Variants in MAP7 observed in about 807,000 individuals in gnomAD.
MAP7 encodes ensconsin.
In MAP7, 52 loss-of-function variants were observed where a neutral mutation model predicts 94.8. The observed-to-expected ratio is 0.55, with a 90% CI of 0.44 to 0.69. MAP7 has a LOEUF of 0.69. Ranked by LOEUF, MAP7 falls within the 30% of genes least tolerant of loss-of-function variation. The pLI, the probability that MAP7 is intolerant of heterozygous loss-of-function variation, is 0.00. For synonymous variants in MAP7, 350 were observed against 357.0 expected (o/e 0.98, Z 0.22); for missense variants, 940 against 964.6 (o/e 0.97, Z 0.34).
chr6:136,490,038 T>TA (rs939786432), intron 1 of MAP7, among the ~76,000 whole-genome samples: 2 of 152,242 alleles, frequency 1.3e-5, no homozygotes, highest in East Asian at 3.9e-4. Flanking sequence ...TTGTAAAAAG[T>TA]AAAAAATCCT....
At chr6:136,481,483 G>A (rs1008039726) in intron 1 of MAP7, among the ~76,000 whole-genome samples, 1 of 152,194 alleles carries the variant, frequency 6.6e-6, no homozygotes, top group South Asian at 2.1e-4. Context: ...GATGGAAATG[G>A]AAGAAATTAA....
intron 8 of MAP7, among the ~76,000 whole-genome samples, chr6:136,369,535 T>A (rs1397614415): frequency 6.6e-6 from 1 of 151,574 alleles, no homozygotes; most frequent in Non-Finnish European, 1.5e-5. Flanking sequence ...ATTGTGCCAT[T>A]GTACTCCAGC....
At chr6:136,369,976 G>C (rs1795201968) in intron 8 of MAP7, among the ~76,000 whole-genome samples, 1 of 152,108 alleles carries the variant, frequency 6.6e-6, no homozygotes, top group Non-Finnish European at 1.5e-5. Context: ...GAAACAATCA[G>C]TAGAGTAAAA....
chr6:136,429,658 T>C (rs1047866867), intron 1 of MAP7, among the ~76,000 whole-genome samples: 6 of 152,224 alleles, frequency 3.9e-5, no homozygotes, highest in African/African-American at 1.4e-4. Flanking sequence ...CTCTTTCGTT[T>C]ACCACTAAAA....
At chr6:136,377,181 G>A (rs111555100) in intron 7 of MAP7, among the ~76,000 whole-genome samples, 2,155 of 152,250 alleles carry the variant, frequency 0.014, 64 homozygotes, top group African/African-American at 0.049. Context: ...ATCATAACTG[G>A]TACTAAGCAT....
At chr6:136,466,195 A>G (rs1246325273) in intron 1 of MAP7, among the ~76,000 whole-genome samples, 2 of 152,170 alleles carry the variant, frequency 1.3e-5, no homozygotes, top group African/African-American at 2.4e-5. Context: ...CAAAATAAAA[A>G]AATAAGTAGG....
chr6:136,497,518 T>A (rs2129002868), intron 1 of MAP7, among the ~76,000 whole-genome samples: 1 of 147,116 alleles, frequency 6.8e-6, no homozygotes, highest in East Asian at 2.0e-4. Context: ...GTCTATGTCA[T>A]CTTACTTAAA....
intron 1 of MAP7, among the ~76,000 whole-genome samples, chr6:136,482,806 T>C (rs1447757266): frequency 6.6e-6 from 1 of 152,138 alleles, no homozygotes; most frequent in Admixed American, 6.5e-5. Flanking sequence ...ATAGATCGAT[T>C]TGGCAGGCAA....
At chr6:136,440,499 T>C (rs1173759954) in intron 1 of MAP7, among the ~76,000 whole-genome samples, 1 of 152,180 alleles carries the variant, frequency 6.6e-6, no homozygotes, top group Non-Finnish European at 1.5e-5. Context: ...GAACAGGATA[T>C]GCATCAGCTT....
At chr6:136,510,600 C>A (rs190734000) in intron 1 of MAP7, among the ~76,000 whole-genome samples, 58 of 152,206 alleles carry the variant, frequency 3.8e-4, no homozygotes, top group African/African-American at 1.4e-3. Context: ...CCACCCTCAT[C>A]GCTGGTTTTG....
chr6:136,417,664 T>C (rs560788378), intron 2 of MAP7, among the ~76,000 whole-genome samples: 1 of 152,148 alleles, frequency 6.6e-6, no homozygotes, highest in East Asian at 1.9e-4. Flanking sequence ...GAAATAGATA[T>C]GACTAATGAA....
chr6:136,358,678 A>G lies in MAP7; in HGVS notation c.1912+1142T>C, dbSNP rs3799408. On this transcript the variant is annotated intron_variant, in intron 15 of 17. Coordinates refer to ENST00000354570, the MANE Select transcript of MAP7 (RefSeq NM_003980.6). ...TGGATTTGATCTTTGAGCAAAAGGT[A>G]TTCCAGCCTTTGCTTTTGTTTGTAA... Among the ~76,000 whole-genome samples, 1,369 of 152,354 alleles carry G rather than the reference A, an allele frequency of 9.0e-3. 61 individuals are homozygous for G. The East Asian group carries it at 0.14, about 15-fold the overall frequency.
Position 136,343,551 on chromosome 6 carries a change from C to G in MAP7, c.*677G>C, listed in dbSNP as rs1219770255. 6.6e-6 allele frequency: 1 copy of G among 152,512 alleles called. No homozygotes were observed. Among genetic ancestry groups the G allele is most frequent in the Non-Finnish European group, 1.5e-5 (1 of 68,016 alleles). The allele number at this position is 152,512 out of a possible 1,614,324, so 9.4% of individuals were successfully genotyped here. On this transcript the variant is annotated 3_prime_UTR_variant, in exon 18 of 18. Transcript: ENST00000354570. ...TTTATCTGGAAAAACTTTATAAATA[C>G]ATTATGTAAGAGGGCAGTAAATTAT...
intron 4 of MAP7, 166 bp from the exon 5 acceptor site, chr6:136,388,676 A>T: frequency 3.6e-6 from 2 of 554,386 alleles, no homozygotes; most frequent in Admixed American, 3.2e-5. Flanking sequence ...TCAATCTGGG[A>T]GGGTCACTTT....
At chr6:136,544,218 G>A (rs1469324119) in intron 1 of MAP7, among the ~76,000 whole-genome samples, 2 of 152,166 alleles carry the variant, frequency 1.3e-5, no homozygotes, top group African/African-American at 4.8e-5. Flanking sequence ...CACCGCACCT[G>A]GACTGTACGC....
intron 3 of MAP7, among the ~76,000 whole-genome samples, chr6:136,398,506 A>G (rs1258022289): frequency 1.3e-5 from 2 of 152,202 alleles, no homozygotes; most frequent in Admixed American, 1.3e-4. Flanking sequence ...GTACTCCCAT[A>G]ATTCCCACAT....
chr6:136,344,505 G>A (rs1235198800), intron 17 of MAP7, among the ~76,000 whole-genome samples: 2 of 152,048 alleles, frequency 1.3e-5, no homozygotes, highest in Non-Finnish European at 2.9e-5. Context: ...TACTTTTCTC[G>A]GTTAGGGGTT....
Position 136,502,809 on chromosome 6 carries a change from A to C in MAP7, c.67+47533T>G, listed in dbSNP as rs547218929. Among the ~76,000 whole-genome samples, 56 of 152,290 alleles carry C rather than the reference A, an allele frequency of 3.7e-4. 1 individual carries two copies. In the South Asian group the frequency reaches 0.011, roughly 31 times the overall value. ...GCACTCTTATAATTGATATGAATAG[A>C]GTGCACAGAATACTGATTTTTTTTT... is the stretch of plus-strand genomic sequence containing the variant. On this transcript the variant is annotated intron_variant, in intron 1 of 17. Transcript: ENST00000354570.
At chr6:136,346,328 C>T (rs1272021182) in intron 16 of MAP7, among the ~76,000 whole-genome samples, 1 of 152,082 alleles carries the variant, frequency 6.6e-6, no homozygotes, top group African/African-American at 2.4e-5. Context: ...TTTGGGAGGC[C>T]GAGATGGGAG....
Sources: allele counts gnomAD v4.1 joint callset (sites outside exome capture counted in the v4.1 genomes callset), GRCh38; gene constraint gnomAD v4.1.1; transcripts MANE v1.5; gene names NCBI Gene and HGNC (gene_info 2026-07-23, HGNC 2026-07-21).